The following CTNNA3 variants were observed in gnomAD, a reference collection of about 807,000 sequenced individuals.
CTNNA3 encodes catenin alpha-3.
A neutral mutation model predicts 95.7 loss-of-function variants in CTNNA3; 76 were observed. The ratio of observed to expected loss-of-function variants is 0.79; its 90% CI spans 0.66 to 0.96. CTNNA3 has a LOEUF of 0.96. Ranked by LOEUF, CTNNA3 falls within the 40% of genes least tolerant of loss-of-function variation. The pLI is 0.00. For synonymous variants in CTNNA3, 431 were observed against 374.4 expected (o/e 1.15, Z -1.74); for missense variants, 1,191 against 1,089.8 (o/e 1.09, Z -1.31).
chr10:66,247,074 C>T (rs10997010), intron 13 of CTNNA3, among the ~76,000 whole-genome samples: 24,371 of 146,578 alleles, frequency 0.17, 2,166 homozygotes, highest in East Asian at 0.26. Context: ...AAAAAAATTA[C>T]TGAGCTTGAA....
intron 5 of CTNNA3, among the ~76,000 whole-genome samples, chr10:67,455,194 A>G (rs1046387572): frequency 1.3e-5 from 2 of 152,178 alleles, no homozygotes; most frequent in Non-Finnish European, 2.9e-5. Context: ...TCAAATTAGG[A>G]TATGTCTTCC....
chr10:66,650,330 AT>A lies in CTNNA3; in HGVS notation c.1282-28547del, dbSNP rs1845849819. Among the ~76,000 whole-genome samples the A allele has an allele frequency of 1.3e-5, 2 of 152,230 alleles. 1 individual carries two copies. Among genetic ancestry groups the A allele is most frequent in the Non-Finnish European group, 2.9e-5 (2 of 68,038 alleles). ...ATCATATTAAGTATTTTTTCTGATCATAATGGTAAGAAATTAGAAATCAGTT... is the reference window on the plus strand; with the variant it reads ...ATCATATTAAGTATTTTTTCTGATCAAATGGTAAGAAATTAGAAATCAGTT... On this transcript the variant is annotated intron_variant, in intron 9 of 17. Coordinates refer to ENST00000433211, the MANE Select transcript of CTNNA3 (RefSeq NM_013266.4).
rs576858908 is a variant in CTNNA3, at chr10:67,682,957, A to G, written c.-6+13043T>C. 6.6e-5 allele frequency among the ~76,000 whole-genome samples: 10 copies of G among 152,346 alleles called. No homozygotes were observed. In the South Asian group the frequency reaches 1.7e-3, roughly 25 times the overall value. On this transcript the variant is annotated intron_variant, in intron 1 of 17. Coordinates refer to ENST00000433211, the MANE Select transcript of CTNNA3 (RefSeq NM_013266.4). ...TGCTATGCATCTGTCTTAACCAAAT[A>G]TAACTGTCTTAAGCGGGAAGAAGAT... is the stretch of plus-strand genomic sequence containing the variant.
intron 9 of CTNNA3, among the ~76,000 whole-genome samples, chr10:66,758,656 C>T (rs140360594): frequency 2.6e-5 from 4 of 152,190 alleles, no homozygotes; most frequent in East Asian, 1.9e-4. Context: ...AACTTTGGGC[C>T]GGGCATGGTG....
In CTNNA3 at chr10:66,346,338, GCA is replaced by G. The variant is rs1476313159; in HGVS notation, c.1732+32812_1732+32813del. On this transcript the variant is annotated intron_variant, in intron 12 of 17. Coordinates refer to ENST00000433211, the MANE Select transcript of CTNNA3 (RefSeq NM_013266.4). ...CCTGTCACCAGGCTGGAGTGGAGTG[GCA>G]TGATCTCGGCTCACTGCAACCCACG... Among the ~76,000 whole-genome samples the G allele has an allele frequency of 3.4e-5, 5 of 149,120 alleles. No homozygotes were observed. The East Asian group carries it at 1.0e-3, about 31-fold the overall frequency.
intron 6 of CTNNA3, among the ~76,000 whole-genome samples, chr10:67,217,522 T>G (rs1216436395): frequency 6.6e-6 from 1 of 152,066 alleles, no homozygotes; most frequent in Non-Finnish European, 1.5e-5. Context: ...AACAACTGAG[T>G]CTGCCTTTCT....
intron 5 of CTNNA3, among the ~76,000 whole-genome samples, chr10:67,249,882 C>G (rs188478757): frequency 6.6e-6 from 1 of 152,242 alleles, no homozygotes; most frequent in East Asian, 1.9e-4. Context: ...AAACTGGAGA[C>G]CCAGAAAAAA....
At chr10:66,260,471 C>T (rs1045300884) in intron 13 of CTNNA3, among the ~76,000 whole-genome samples, 15 of 152,218 alleles carry the variant, frequency 9.9e-5, no homozygotes, top group East Asian at 7.7e-4. Context: ...GTAATCACTC[C>T]GTGATTCTCA....
chr10:66,235,323 G>A (rs959312106), intron 13 of CTNNA3, among the ~76,000 whole-genome samples: 6 of 151,092 alleles, frequency 4.0e-5, no homozygotes, highest in African/African-American at 1.2e-4. Context: ...GTTTTTAAAG[G>A]TATTATCTAT....
chr10:67,100,878 T>C (rs899606818), intron 7 of CTNNA3, among the ~76,000 whole-genome samples: 4 of 151,710 alleles, frequency 2.6e-5, no homozygotes, highest in Non-Finnish European at 4.4e-5. Flanking sequence ...TTACAGGCTG[T>C]TAGTCTTTCC....
intron 5 of CTNNA3, among the ~76,000 whole-genome samples, chr10:67,510,446 T>A (rs1476428493): frequency 1.3e-5 from 2 of 151,742 alleles, no homozygotes; most frequent in South Asian, 2.1e-4. Context: ...AAATAGGGAA[T>A]CCTTTCTTCA....
At chr10:66,986,722 A>G (rs1850748842) in intron 7 of CTNNA3, among the ~76,000 whole-genome samples, 1 of 152,136 alleles carries the variant, frequency 6.6e-6, no homozygotes, top group Admixed American at 6.5e-5. Flanking sequence ...AATCAGGTTG[A>G]TTTATCATAT....
chr10:67,701,783 T>C (rs1486477735), intron 1 of CTNNA3, among the ~76,000 whole-genome samples: 4 of 151,550 alleles, frequency 2.6e-5, no homozygotes, highest in East Asian at 1.9e-4. Flanking sequence ...CAATATTAAC[T>C]TTAAATGTAA....
intron 13 of CTNNA3, among the ~76,000 whole-genome samples, chr10:66,212,037 T>G (rs1320070437): frequency 7.4e-6 from 1 of 135,388 alleles, no homozygotes. Context: ...TTCTCCAGAC[T>G]GGAATGCAGT....
At chr10:67,363,877 C>CT (rs1204248238) in intron 5 of CTNNA3, among the ~76,000 whole-genome samples, 1 of 152,134 alleles carries the variant, frequency 6.6e-6, no homozygotes, top group Admixed American at 6.5e-5. Context: ...ATATTCACAG[C>CT]CAAACTCTTC....
At chr10:66,046,252 G>T (rs528201680) in intron 15 of CTNNA3, among the ~76,000 whole-genome samples, 1 of 152,250 alleles carries the variant, frequency 6.6e-6, no homozygotes, top group African/African-American at 2.4e-5. Context: ...TAACCTTCAG[G>T]TCAGGAGATC....
intron 7 of CTNNA3, among the ~76,000 whole-genome samples, chr10:67,050,227 T>C (rs1854999981): frequency 6.6e-6 from 1 of 152,210 alleles, no homozygotes; most frequent in Non-Finnish European, 1.5e-5. Flanking sequence ...GAAAGCATTA[T>C]TCCCAATTTG....
At chr10:67,017,571 C>G (rs1224756578) in intron 7 of CTNNA3, among the ~76,000 whole-genome samples, 1 of 152,156 alleles carries the variant, frequency 6.6e-6, no homozygotes, top group African/African-American at 2.4e-5. Context: ...GTGATTCACC[C>G]TCTTGCAGTA....
At chr10:67,308,583 ATT>A (rs143697851) in intron 5 of CTNNA3, among the ~76,000 whole-genome samples, 1 of 152,008 alleles carries the variant, frequency 6.6e-6, no homozygotes, top group South Asian at 2.1e-4. Context: ...TCTTTGAGAC[ATT>A]TTTTTTCTAG....
Sources: allele counts gnomAD v4.1 joint callset (sites outside exome capture counted in the v4.1 genomes callset), GRCh38; gene constraint gnomAD v4.1.1; transcripts MANE v1.5; gene names NCBI Gene and HGNC (gene_info 2026-07-23, HGNC 2026-07-21).